The following ARHGEF3 variants were observed in gnomAD, a reference collection of about 807,000 sequenced individuals.
ARHGEF3 encodes the protein 59.8 kDA protein.
Under a neutral mutation model 63.2 loss-of-function variants are expected in ARHGEF3, and 28 were observed. The ratio of observed to expected loss-of-function variants is 0.44; its 90% CI spans 0.33 to 0.61. The LOEUF (loss-of-function observed/expected upper bound fraction) is 0.61. Among genes scored for constraint, ARHGEF3 ranks in the 20% least tolerant of loss-of-function variants. ARHGEF3 has a pLI of 0.03. For missense variants in ARHGEF3, 533 were observed against 659.3 expected (o/e 0.81, Z 2.10); for synonymous variants, 266 against 254.2 (o/e 1.05, Z -0.44).
intron 3 of ARHGEF3, among the ~76,000 whole-genome samples, chr3:56,886,638 A>G (rs2040934373): frequency 6.6e-6 from 1 of 152,190 alleles, no homozygotes; most frequent in South Asian, 2.1e-4. Flanking sequence ...TGGAGCTACT[A>G]CTACTAATAA....
rs865950001 is a variant in ARHGEF3, at chr3:56,970,018, G to C, written c.63-11129C>G. ...ATCCATAGAGTCAGAAAGTAGATTA[G>C]CTCCAGAAGCTGGGGGAAGAGGAGG... On this transcript the variant is annotated intron_variant, in intron 2 of 12. Transcript: ENST00000338458. 2.4e-4 allele frequency among the ~76,000 whole-genome samples: 36 copies of C among 152,254 alleles called. 1 individual carries two copies. Among genetic ancestry groups the C allele is most frequent in the Middle Eastern group, 3.4e-3 (1 of 294 alleles).
intron 3 of ARHGEF3, among the ~76,000 whole-genome samples, chr3:56,899,141 C>T (rs1185248499): frequency 6.6e-6 from 1 of 152,170 alleles, no homozygotes; most frequent in East Asian, 1.9e-4. Context: ...CAACTCCTCC[C>T]CTCATTGATG....
intron 3 of ARHGEF3, among the ~76,000 whole-genome samples, chr3:56,884,374 C>A (rs9856569): frequency 0.98 from 149,629 of 152,306 alleles, 73,557 homozygotes; most frequent in East Asian, 1. Flanking sequence ...TTGTCAGACA[C>A]AGATGGGGAA....
chr3:56,814,023 C>T (rs2038170719), intron 4 of ARHGEF3, among the ~76,000 whole-genome samples: 1 of 152,156 alleles, frequency 6.6e-6, no homozygotes, highest in African/African-American at 2.4e-5. Context: ...ATTCTCACTT[C>T]CTAGAGAAGC....
At chr3:56,818,546 T>C (rs559686608) in intron 4 of ARHGEF3, among the ~76,000 whole-genome samples, 2 of 152,302 alleles carry the variant, frequency 1.3e-5, no homozygotes, top group Admixed American at 1.3e-4. Context: ...ATCAAACTGA[T>C]AGAAGTTGAG....
intron 3 of ARHGEF3, among the ~76,000 whole-genome samples, chr3:56,890,308 A>G (rs2041078337): frequency 1.3e-5 from 2 of 152,350 alleles, no homozygotes; most frequent in South Asian, 2.1e-4. Context: ...TTCTAAGTGT[A>G]TGGGATACGT....
chr3:57,026,394 C>G lies in ARHGEF3; in HGVS notation c.62+8694G>C, dbSNP rs532014475. Among the ~76,000 whole-genome samples, 33 of 152,174 alleles carry G rather than the reference C, an allele frequency of 2.2e-4. No individual in the cohort carries two copies. The South Asian group carries it at 6.6e-3, about 31-fold the overall frequency. On this transcript the variant is annotated intron_variant, in intron 2 of 12. Coordinates refer to the ARHGEF3 transcript ENST00000338458. ...CCAGCCTGGATGACAGAGCGAGACT[C>G]TGTCTCTTAAAATAAAAGAGGTTTG...
intron 2 of ARHGEF3, among the ~76,000 whole-genome samples, chr3:57,011,419 T>C (rs1178946440): frequency 1.3e-5 from 2 of 152,212 alleles, no homozygotes; most frequent in African/African-American, 4.8e-5. Context: ...TCTCCTCTTT[T>C]GCCTTTCCAC....
intron 2 of ARHGEF3, among the ~76,000 whole-genome samples, chr3:56,997,773 T>C (rs981068660): frequency 6.6e-6 from 1 of 152,156 alleles, no homozygotes; most frequent in African/African-American, 2.4e-5. Context: ...TTCACTGCCC[T>C]GTCATTCCCC....
chr3:56,986,795 C>T (rs539141838), intron 2 of ARHGEF3, among the ~76,000 whole-genome samples: 11 of 141,418 alleles, frequency 7.8e-5, no homozygotes, highest in African/African-American at 2.8e-4. Flanking sequence ...AGAGGATAAA[C>T]GCATGCGAAT....
intron 1 of ARHGEF3, among the ~76,000 whole-genome samples, chr3:56,776,737 G>A (rs557769327): frequency 6.6e-6 from 1 of 152,270 alleles, no homozygotes; most frequent in Admixed American, 6.5e-5. Context: ...GATGCTTTCA[G>A]GCTTTACAGA....
chr3:56,979,504 G>C (rs1671896516), intron 2 of ARHGEF3, among the ~76,000 whole-genome samples: 1 of 152,224 alleles, frequency 6.6e-6, no homozygotes, highest in South Asian at 2.1e-4. Flanking sequence ...TCTCAGCCCT[G>C]TCCAGCTGCC....
chr3:57,045,414 G>A (rs1483236084), intron 1 of ARHGEF3, among the ~76,000 whole-genome samples: 1 of 152,222 alleles, frequency 6.6e-6, no homozygotes, highest in African/African-American at 2.4e-5. Flanking sequence ...AGGTAGGAAG[G>A]AACAGGACAC....
intron 1 of ARHGEF3, among the ~76,000 whole-genome samples, chr3:56,788,169 G>A (rs1194092658): frequency 1.3e-5 from 2 of 152,182 alleles, no homozygotes; most frequent in Non-Finnish European, 2.9e-5. Context: ...GCCCCCAGAA[G>A]ATGCTGCCCT....
intron 2 of ARHGEF3, among the ~76,000 whole-genome samples, chr3:57,002,460 C>A (rs1244656956): frequency 3.6e-4 from 3 of 8,432 alleles, no homozygotes; most frequent in Non-Finnish European, 4.7e-4. Flanking sequence ...CTGTTCTAAG[C>A]ACTATATATA....
At chr3:56,850,727 GAAGCC>G (rs1469100170) in intron 4 of ARHGEF3, among the ~76,000 whole-genome samples, 1 of 152,162 alleles carries the variant, frequency 6.6e-6, no homozygotes, top group African/African-American at 2.4e-5. Flanking sequence ...CTCTTGGAGA[GAAGCC>G]AATTAAACAT....
At chr3:56,944,521 G>C (rs1699363650) in intron 3 of ARHGEF3, among the ~76,000 whole-genome samples, 1 of 149,954 alleles carries the variant, frequency 6.7e-6, no homozygotes, top group Non-Finnish European at 1.5e-5. Context: ...GATAAAGCTT[G>C]AACGGATGGG....
At chr3:56,888,834 C>T (rs911373683) in intron 3 of ARHGEF3, among the ~76,000 whole-genome samples, 17 of 151,530 alleles carry the variant, frequency 1.1e-4, no homozygotes, top group South Asian at 8.4e-4. Flanking sequence ...ACCTGGGAGA[C>T]GGAGGTTGCG....
chr3:56,890,457 C>A (rs184701636), intron 3 of ARHGEF3, among the ~76,000 whole-genome samples: 2 of 152,128 alleles, frequency 1.3e-5, no homozygotes, highest in East Asian at 1.9e-4. Context: ...ATTGCTACTG[C>A]GGTTATTACC....
Sources: gnomAD v4.1 joint callset for allele counts (sites outside exome capture counted in the v4.1 genomes callset) on GRCh38, gnomAD v4.1.1 for gene constraint, MANE v1.5 for transcripts, NCBI Gene and HGNC (gene_info 2026-07-23, HGNC 2026-07-21) for gene names.